Variants in PTPRT observed in about 807,000 individuals in gnomAD.
PTPRT encodes the protein receptor-type tyrosine-protein phosphatase T.
PTPRT carries 56 observed loss-of-function variants against 176.8 expected under a neutral mutation model. That is an observed-to-expected ratio of 0.32 (90% CI 0.26 to 0.40). The LOEUF is 0.40. Ranked by LOEUF, PTPRT falls within the 10% of genes least tolerant of loss-of-function variation. The pLI, the probability that PTPRT is intolerant of heterozygous loss-of-function variation, is 1.00. For missense variants in PTPRT, 1,540 were observed against 1,908.2 expected (o/e 0.81, Z 3.60); for synonymous variants, 783 against 739.0 (o/e 1.06, Z -0.96).
chr20:42,306,296 T>A (rs948656391), intron 12 of PTPRT, among the ~76,000 whole-genome samples: 1 of 152,158 alleles, frequency 6.6e-6, no homozygotes, highest in African/African-American at 2.4e-5. Flanking sequence ...CAGCAGGGGT[T>A]TAGAGTTTTA....
Position 43,161,681 on chromosome 20 carries a change from G to A in PTPRT, c.88+27965C>T, listed in dbSNP as rs148235030. On this transcript the variant is annotated intron_variant, in intron 1 of 30. Coordinates refer to ENST00000373187, the MANE Select transcript of PTPRT (RefSeq NM_007050.6). ...TCCAAGCCTGTGCACACAACTGAAA[G>A]CTGGCTGTTCCTGATTTTTTTTTAA... is the stretch of plus-strand genomic sequence containing the variant. Among the ~76,000 whole-genome samples, 559 of 152,198 alleles carry A rather than the reference G, an allele frequency of 3.7e-3. 1 individual carries two copies. Among genetic ancestry groups the A allele is most frequent in the African/African-American group, 0.013 (548 of 41,536 alleles).
intron 7 of PTPRT, among the ~76,000 whole-genome samples, chr20:42,649,300 T>C (rs1046453152): frequency 6.6e-6 from 1 of 152,088 alleles, no homozygotes; most frequent in Non-Finnish European, 1.5e-5. Flanking sequence ...TTCACTATCA[T>C]GAGAACAGCA....
chr20:42,042,324 A>G, the PTPRT span, among the ~76,000 whole-genome samples: 2 of 152,226 alleles, frequency 1.3e-5, no homozygotes, highest in Non-Finnish European at 2.9e-5. Flanking sequence ...CGATGGTTTT[A>G]TTGCATACCA....
intron 1 of PTPRT, among the ~76,000 whole-genome samples, chr20:43,123,523 G>A (rs1274419511): frequency 6.6e-6 from 1 of 152,130 alleles, no homozygotes; most frequent in East Asian, 1.9e-4. Flanking sequence ...CCTGCTGCTA[G>A]AACTCAAGTA....
At chr20:42,180,513 C>T (rs1265766793) in intron 16 of PTPRT, among the ~76,000 whole-genome samples, 1 of 152,220 alleles carries the variant, frequency 6.6e-6, no homozygotes, top group Non-Finnish European at 1.5e-5. Flanking sequence ...CTGTCCATTG[C>T]TTATTTCCTG....
At chr20:42,104,787 T>C in intron 24 of PTPRT, 69 bp from the exon 25 acceptor site, 1 of 1,444,702 alleles carries the variant, frequency 6.9e-7, no homozygotes, top group African/African-American at 1.4e-5. Context: ...GCTGTCCACA[T>C]TTAGTGTTGT....
At chr20:42,285,339 A>G (rs2057211649) in intron 12 of PTPRT, among the ~76,000 whole-genome samples, 1 of 152,042 alleles carries the variant, frequency 6.6e-6, no homozygotes, top group African/African-American at 2.4e-5. Flanking sequence ...TAATGCAACA[A>G]CAACAAAAAA....
chr20:42,066,757 G>T, the PTPRT span, among the ~76,000 whole-genome samples: 1 of 151,998 alleles, frequency 6.6e-6, no homozygotes, highest in African/African-American at 2.4e-5. Context: ...AGCCATGATT[G>T]TTGATGATAT....
chr20:42,393,783 TA>T (rs1436443256), intron 9 of PTPRT, among the ~76,000 whole-genome samples: 7 of 152,236 alleles, frequency 4.6e-5, no homozygotes, highest in African/African-American at 1.7e-4. Flanking sequence ...ATAAGCCCTG[TA>T]ATTTTTAGTG....
intron 5 of PTPRT, among the ~76,000 whole-genome samples, chr20:42,759,152 G>A (rs2076879944): frequency 1.3e-5 from 2 of 152,224 alleles, no homozygotes; most frequent in Non-Finnish European, 1.5e-5. Context: ...TGCTGAGCAA[G>A]GCATTTCAGG....
At chr20:42,716,113 G>A (rs893106597) in intron 6 of PTPRT, among the ~76,000 whole-genome samples, 8 of 152,002 alleles carry the variant, frequency 5.3e-5, no homozygotes, top group African/African-American at 1.9e-4. Flanking sequence ...GTCTCAGAAT[G>A]AAAAAAGAGC....
intron 4 of PTPRT, among the ~76,000 whole-genome samples, chr20:42,779,738 A>G (rs1274301677): frequency 6.6e-6 from 1 of 152,206 alleles, no homozygotes; most frequent in Non-Finnish European, 1.5e-5. Flanking sequence ...CTATGCCTAC[A>G]TGGAGCTGAT....
chr20:42,407,507 G>T (rs1310465835), intron 9 of PTPRT, among the ~76,000 whole-genome samples: 1 of 151,984 alleles, frequency 6.6e-6, no homozygotes, highest in Non-Finnish European at 1.5e-5. Context: ...AGAAATTGAT[G>T]GGCAGTACTT....
chr20:42,822,103 A>G (rs904541858), intron 2 of PTPRT, among the ~76,000 whole-genome samples: 5 of 152,158 alleles, frequency 3.3e-5, no homozygotes, highest in Non-Finnish European at 2.9e-5. Context: ...AGACAATCCT[A>G]AGCAAACAAA....
chr20:42,917,296 G>C (rs554702855), intron 1 of PTPRT, among the ~76,000 whole-genome samples: 1 of 151,988 alleles, frequency 6.6e-6, no homozygotes, highest in South Asian at 2.1e-4. Flanking sequence ...ATTTCTGAGG[G>C]CTCTGTTCTG....
chr20:42,267,511 A>C (rs563529233), intron 13 of PTPRT, among the ~76,000 whole-genome samples: 2 of 152,312 alleles, frequency 1.3e-5, no homozygotes, highest in East Asian at 3.9e-4. Context: ...TACAATATTC[A>C]AATTCTATTT....
intron 11 of PTPRT, among the ~76,000 whole-genome samples, chr20:42,347,557 A>G (rs929746911): frequency 2.0e-5 from 3 of 152,174 alleles, no homozygotes; most frequent in Non-Finnish European, 4.4e-5. Context: ...GCATGACACC[A>G]TTGGTGGGAC....
At chr20:42,740,381 G>A (rs1214273787) in intron 6 of PTPRT, among the ~76,000 whole-genome samples, 1 of 152,192 alleles carries the variant, frequency 6.6e-6, no homozygotes, top group Non-Finnish European at 1.5e-5. Flanking sequence ...TCCAGTTAGA[G>A]TTGGGTGGCT....
At chr20:43,164,577 C>A (rs75344197) in intron 1 of PTPRT, among the ~76,000 whole-genome samples, 2,660 of 152,104 alleles carry the variant, frequency 0.017, 29 homozygotes, top group Non-Finnish European at 0.03. Flanking sequence ...GTTGACTATA[C>A]GAGAAGAGAA....
Sources: allele counts gnomAD v4.1 joint callset (sites outside exome capture counted in the v4.1 genomes callset), GRCh38; gene constraint gnomAD v4.1.1; transcripts MANE v1.5; gene names NCBI Gene and HGNC (gene_info 2026-07-23, HGNC 2026-07-21).